The following SCAPER variants were observed in gnomAD, a reference collection of about 807,000 sequenced individuals.
SCAPER encodes the protein S-phase cyclin A associated protein in the ER, also known as S phase cyclin A-associated protein in the endoplasmic reticulum.
SCAPER carries 98 observed loss-of-function variants against 182.2 expected under a neutral mutation model. The observed-to-expected ratio is 0.54, with a 90% CI of 0.46 to 0.64. The LOEUF (loss-of-function observed/expected upper bound fraction) is 0.64, where lower values mean the gene tolerates loss of function less well. SCAPER is among the 30% of genes least tolerant of loss of function. SCAPER has a pLI of 0.00. For missense variants in SCAPER, 1,432 were observed against 1,690.0 expected (o/e 0.85, Z 2.68); for synonymous variants, 605 against 564.6 (o/e 1.07, Z -1.01).
At chr15:76,433,983 G>A in intron 26 of SCAPER, 95 bp downstream of exon 26, 1 of 996,482 alleles carries the variant, frequency 1.0e-6, no homozygotes, top group East Asian at 2.6e-5. Flanking sequence ...ATGGCATTGT[G>A]AGAACCACTG....
chr15:76,637,528 C>T (rs564967252), intron 21 of SCAPER, among the ~76,000 whole-genome samples: 19 of 148,944 alleles, frequency 1.3e-4, no homozygotes, highest in Admixed American at 1.2e-3. Context: ...GAGACCCCCC[C>T]ATCTCTACAC....
intron 23 of SCAPER, among the ~76,000 whole-genome samples, chr15:76,544,252 T>C (rs1165632210): frequency 6.6e-6 from 1 of 152,084 alleles, no homozygotes; most frequent in Non-Finnish European, 1.5e-5. Context: ...TTTGGAAAAA[T>C]TTGCCAGTTT....
intron 24 of SCAPER, among the ~76,000 whole-genome samples, chr15:76,481,285 A>G (rs2051116189): frequency 6.6e-6 from 1 of 152,220 alleles, no homozygotes; most frequent in African/African-American, 2.4e-5. Context: ...TAAAACTTAT[A>G]AAAGTTATTT....
chr15:76,526,990 G>A lies in SCAPER; in HGVS notation c.2839-22016C>T, dbSNP rs2043254407. 2.0e-5 allele frequency among the ~76,000 whole-genome samples: 3 copies of A among 151,934 alleles called. No homozygotes were observed. The South Asian group carries it at 6.2e-4, about 31-fold the overall frequency. ...GTGTTCAAGCTATTCTCCTGCCTCA[G>A]CCTCCCAAGTAGCTCGGATTACAGA... On this transcript the variant is annotated intron_variant, in intron 23 of 31. Coordinates refer to ENST00000563290, the MANE Select transcript of SCAPER (RefSeq NM_020843.4).
intron 21 of SCAPER, among the ~76,000 whole-genome samples, chr15:76,649,373 T>C (rs1043536210): frequency 6.6e-6 from 1 of 151,934 alleles, no homozygotes; most frequent in Non-Finnish European, 1.5e-5. Flanking sequence ...GAGGCTACAA[T>C]GAGCTGGGAT....
Position 76,766,997 on chromosome 15 carries a change from TC to T in SCAPER, c.1339del (p.Glu447LysfsTer4). The T allele has an allele frequency of 6.2e-7, 1 of 1,607,954 alleles. No individual in the cohort carries two copies. Among genetic ancestry groups the T allele is most frequent in the Non-Finnish European group, 8.5e-7 (1 of 1,176,680 alleles). On this transcript the variant is annotated frameshift_variant, in exon 11 of 32. Transcript: ENST00000563290. LOFTEE classifies it high-confidence loss of function. ...EEAIASAIAEEEQLTREIEAE... is the reference protein window; with the variant it reads ...EEAIASAIAEXEQLTREIEAE... ...TTCAATTTCTCTAGTTAACTGTTCT[TC>T]TTCAGCAATAGCACTAGCAATGGCT...
chr15:76,406,205 C>T (rs868453899), intron 26 of SCAPER, among the ~76,000 whole-genome samples: 1 of 152,156 alleles, frequency 6.6e-6, no homozygotes, highest in Admixed American at 6.5e-5. Flanking sequence ...TAGCCAGACA[C>T]GGTGGATCAC....
chr15:76,729,159 T>G (rs1335543626), intron 16 of SCAPER, among the ~76,000 whole-genome samples: 1 of 151,996 alleles, frequency 6.6e-6, no homozygotes, highest in African/African-American at 2.4e-5. Context: ...GTTTTGGAAC[T>G]CGGACTGGCT....
At chr15:76,567,494 C>A (rs2047124885) in intron 23 of SCAPER, 2 of 319,056 alleles carry the variant, frequency 6.3e-6, no homozygotes, top group Admixed American at 3.6e-5. Context: ...TATGTTATCA[C>A]AAACATTGTC....
intron 17 of SCAPER, among the ~76,000 whole-genome samples, chr15:76,726,873 T>C (rs933221637): frequency 1.4e-4 from 21 of 152,046 alleles, no homozygotes; most frequent in Admixed American, 9.8e-4. Context: ...ACTTAGTAGA[T>C]AGAACACTTC....
At chr15:76,657,588 C>CAAAAAAAAAAAAAAAAAA (rs35243291) in intron 21 of SCAPER, among the ~76,000 whole-genome samples, 1 of 129,856 alleles carries the variant, frequency 7.7e-6, no homozygotes. Flanking sequence ...GACACAACAA[C>CAAAAAAAAAAAAAAAAAA]AAAAAAAAAA....
chr15:76,713,960 T>C (rs1251682169), intron 17 of SCAPER, among the ~76,000 whole-genome samples: 1 of 152,024 alleles, frequency 6.6e-6, no homozygotes. Context: ...TTATCTGTAA[T>C]AGCCAAAAAA....
intron 11 of SCAPER, among the ~76,000 whole-genome samples, chr15:76,766,049 CTTAG>C (rs2063093303): frequency 6.6e-6 from 1 of 151,890 alleles, no homozygotes; most frequent in African/African-American, 2.4e-5. Context: ...ATCCTAAGCA[CTTAG>C]TAACAGAAGG....
chr15:76,723,685 G>A (rs554687835), intron 17 of SCAPER, among the ~76,000 whole-genome samples: 2 of 151,938 alleles, frequency 1.3e-5, no homozygotes, highest in South Asian at 4.1e-4. Context: ...TTATGTAATG[G>A]CCTTGTCTCT....
intron 18 of SCAPER, among the ~76,000 whole-genome samples, chr15:76,705,075 C>T (rs62028179): frequency 0.078 from 11,915 of 151,940 alleles, 532 homozygotes; most frequent in Middle Eastern, 0.11. Context: ...TAAATCATGC[C>T]GCTATAAAGA....
At chr15:76,776,642 G>A (rs1015858829) in intron 8 of SCAPER, among the ~76,000 whole-genome samples, 3 of 152,124 alleles carry the variant, frequency 2.0e-5, no homozygotes, top group African/African-American at 7.2e-5. Context: ...GAACCCAGCA[G>A]GGAGCCAGGA....
At chr15:76,559,713 G>C (rs1031754551) in intron 23 of SCAPER, among the ~76,000 whole-genome samples, 1 of 152,162 alleles carries the variant, frequency 6.6e-6, no homozygotes, top group African/African-American at 2.4e-5. Flanking sequence ...ACAAAGAAGA[G>C]AGCAATGGAT....
intron 25 of SCAPER, among the ~76,000 whole-genome samples, chr15:76,455,343 G>C (rs150399629): frequency 1.3e-5 from 2 of 152,166 alleles, no homozygotes; most frequent in African/African-American, 4.8e-5. Context: ...GTTTATTATG[G>C]GAATCTCTAA....
intron 23 of SCAPER, among the ~76,000 whole-genome samples, chr15:76,556,414 C>T (rs1350805560): frequency 2.0e-5 from 3 of 151,980 alleles, no homozygotes; most frequent in Non-Finnish European, 4.4e-5. Context: ...TCTGAAAAAC[C>T]ATACACAAGA....
Sources: gnomAD v4.1 joint callset for allele counts (sites outside exome capture counted in the v4.1 genomes callset) on GRCh38, gnomAD v4.1.1 for gene constraint, MANE v1.5 for transcripts, NCBI Gene and HGNC (gene_info 2026-07-23, HGNC 2026-07-21) for gene names.